EML4: variants seen among roughly 807,000 people sequenced by gnomAD.
EML4 encodes the protein echinoderm microtubule-associated protein-like 4.
Under a neutral mutation model 129.0 loss-of-function variants are expected in EML4, and 72 were observed. The ratio of observed to expected loss-of-function variants is 0.56; its 90% CI spans 0.46 to 0.68. The LOEUF (loss-of-function observed/expected upper bound fraction) is 0.68, where lower values mean the gene tolerates loss of function less well. EML4 is among the 30% of genes least tolerant of loss of function. The pLI is 0.00. For missense variants in EML4, 1,363 were observed against 1,190.6 expected, an observed-to-expected ratio of 1.14 and a Z score of -2.13; for synonymous variants, 532 against 405.0, an observed-to-expected ratio of 1.31 and a Z score of -3.77.
At chr2:42,246,269 C>T (rs1216947863) in intron 2 of EML4, among the ~76,000 whole-genome samples, 2 of 152,054 alleles carry the variant, frequency 1.3e-5, no homozygotes, top group African/African-American at 4.8e-5. Context: ...TGTAGTGTAC[C>T]TTTTCCCTTA....
chr2:42,175,402 C>A (rs774475427), intron 1 of EML4, among the ~76,000 whole-genome samples: 1 of 152,152 alleles, frequency 6.6e-6, no homozygotes, highest in South Asian at 2.1e-4. Context: ...CGTGAGCCAC[C>A]GCACCTGGCC....
chr2:42,278,547 C>G (rs1286296811), intron 6 of EML4, among the ~76,000 whole-genome samples: 13 of 125,900 alleles, frequency 1.0e-4, no homozygotes, highest in African/African-American at 4.0e-4. Flanking sequence ...GCACTCCAGC[C>G]TGGGTGACAG....
At chr2:42,187,462 G>A (rs1009425442) in intron 1 of EML4, among the ~76,000 whole-genome samples, 1 of 152,086 alleles carries the variant, frequency 6.6e-6, no homozygotes, top group African/African-American at 2.4e-5. Flanking sequence ...TGTTTCACTA[G>A]TTCGTTCCTT....
At chr2:42,318,522 ATT>A (rs1449288504) in intron 19 of EML4, among the ~76,000 whole-genome samples, 1 of 152,176 alleles carries the variant, frequency 6.6e-6, no homozygotes, top group African/African-American at 2.4e-5. Context: ...TGTCCAAAAT[ATT>A]TTTGTTTGCC....
At chr2:42,246,907 G>A (rs1165897197) in intron 2 of EML4, among the ~76,000 whole-genome samples, 2 of 152,212 alleles carry the variant, frequency 1.3e-5, no homozygotes. Flanking sequence ...AGCAATTTTA[G>A]TGGAGTAATA....
At chr2:42,202,080 C>G (rs959173924) in intron 1 of EML4, among the ~76,000 whole-genome samples, 3 of 145,284 alleles carry the variant, frequency 2.1e-5, no homozygotes, top group African/African-American at 8.0e-5. Context: ...GAGACTCTGT[C>G]TCAAAAAAAA....
In EML4 at chr2:42,270,628, C is replaced by T. The variant is rs553622959; in HGVS notation, c.667+5897C>T. Reference sequence around the variant, plus strand: ...ATTTATCGATAAAGATATATAATAGCGGTGTCCTGCTGACTCTGTATATTG... The same window carrying T: ...ATTTATCGATAAAGATATATAATAGTGGTGTCCTGCTGACTCTGTATATTG... On this transcript the variant is annotated intron_variant, in intron 6 of 22. Transcript: ENST00000318522. Among the ~76,000 whole-genome samples the T allele has an allele frequency of 7.9e-5, 12 of 152,270 alleles. No homozygotes were observed. The East Asian group carries it at 1.2e-3, about 15-fold the overall frequency.
intron 17 of EML4, among the ~76,000 whole-genome samples, chr2:42,313,407 ATC>A (rs1210696181): frequency 6.6e-6 from 1 of 152,160 alleles, no homozygotes; most frequent in Non-Finnish European, 1.5e-5. Context: ...CTCAGAATAA[ATC>A]TCTTCAAATA....
intron 1 of EML4, among the ~76,000 whole-genome samples, chr2:42,206,369 G>A (rs534231060): frequency 6.6e-6 from 1 of 152,196 alleles, no homozygotes; most frequent in Non-Finnish European, 1.5e-5. Context: ...GTACTCCACT[G>A]TATCCAGCTG....
Position 42,288,231 on chromosome 2 carries a change from CA to C in EML4, c.1128del (p.Gly377ValfsTer29). Reference sequence around the variant, plus strand: ...CTCTGATTGACTTTTCTTTAGGATTCAGGTGTTCATTTATGTATTATTGATG... The same window carrying C: ...CTCTGATTGACTTTTCTTTAGGATTCGGTGTTCATTTATGTATTATTGATG... ...VGCLDFSKAD[S>X]GVHLCIIDDS... On this transcript the variant is annotated frameshift_variant, in exon 11 of 23. Transcript: ENST00000318522. LOFTEE classifies it high-confidence loss of function. 1 of 1,377,646 alleles carries C rather than the reference CA, an allele frequency of 7.3e-7. No homozygotes were observed. Among genetic ancestry groups the C allele is most frequent in the Non-Finnish European group, 1.0e-6 (1 of 991,528 alleles). 85.3% of individuals were successfully genotyped at this position (1,377,646 alleles called of 1,614,324 possible). A position where few individuals can be genotyped will look rare whatever the true frequency, so the allele number is the denominator to read the frequency against.
intron 1 of EML4, among the ~76,000 whole-genome samples, chr2:42,173,333 C>G (rs1245846601): frequency 4.6e-5 from 7 of 151,590 alleles, no homozygotes; most frequent in African/African-American, 9.7e-5. Context: ...TATTGGTTGC[C>G]TCTTGAAGAG....
At chr2:42,260,777 T>G (rs2104380867) in intron 3 of EML4, among the ~76,000 whole-genome samples, 1 of 152,330 alleles carries the variant, frequency 6.6e-6, no homozygotes, top group African/African-American at 2.4e-5. Flanking sequence ...CGGTATGCTT[T>G]ACACAGATAG....
intron 1 of EML4, among the ~76,000 whole-genome samples, chr2:42,179,910 T>A (rs1049741149): frequency 6.6e-6 from 1 of 152,174 alleles, no homozygotes; most frequent in Admixed American, 6.5e-5. Context: ...CATATGTGTT[T>A]TATATATACA....
At chr2:42,245,157 C>G (rs1163904686) in intron 1 of EML4, among the ~76,000 whole-genome samples, 2 of 117,694 alleles carry the variant, frequency 1.7e-5, no homozygotes, top group Admixed American at 1.2e-4. Context: ...TGCAGTGGTG[C>G]AATCTCAGCT....
intron 1 of EML4, among the ~76,000 whole-genome samples, chr2:42,182,806 T>G (rs546016120): frequency 5.9e-5 from 9 of 152,188 alleles, no homozygotes; most frequent in Non-Finnish European, 1.3e-4. Flanking sequence ...AAATCAATGT[T>G]TCATCAGGTT....
chr2:42,278,493 A>T (rs1425892761), intron 6 of EML4, among the ~76,000 whole-genome samples: 1 of 141,710 alleles, frequency 7.1e-6, no homozygotes, highest in Non-Finnish European at 1.5e-5. Flanking sequence ...AGAATCACTT[A>T]AACCCGGGTG....
intron 1 of EML4, among the ~76,000 whole-genome samples, chr2:42,201,706 A>T (rs1242934125): frequency 6.6e-6 from 1 of 152,224 alleles, no homozygotes; most frequent in Non-Finnish European, 1.5e-5. Context: ...CATTCTGCTA[A>T]GTGGAATAAG....
chr2:42,203,483 T>C (rs915553770), intron 1 of EML4, among the ~76,000 whole-genome samples: 1 of 152,216 alleles, frequency 6.6e-6, no homozygotes, highest in Non-Finnish European at 1.5e-5. Context: ...CTTATTAATA[T>C]AACAAAGTTC....
Position 42,330,443 on chromosome 2 carries a change from A to T in EML4, c.*236A>T. ...AATACTAGGAGAAGACTGAATCATT[A>T]ATGATGTCTCACAAATTACTGTGTA... On this transcript the variant is annotated 3_prime_UTR_variant, in exon 23 of 23. Coordinates refer to ENST00000318522, the MANE Select transcript of EML4 (RefSeq NM_019063.5). 3.4e-6 allele frequency: 2 copies of T among 590,906 alleles called. No individual in the cohort carries two copies. Among genetic ancestry groups the T allele is most frequent in the Non-Finnish European group, 3.1e-6 (1 of 327,212 alleles). The allele number at this position is 590,906 out of a possible 1,614,324, so 36.6% of individuals were successfully genotyped here.
Sources: allele counts gnomAD v4.1 joint callset (sites outside exome capture counted in the v4.1 genomes callset), GRCh38; gene constraint gnomAD v4.1.1; transcripts MANE v1.5; gene names NCBI Gene and HGNC (gene_info 2026-07-23, HGNC 2026-07-21).